The following SERAC1 variants were observed in gnomAD, a reference collection of about 807,000 sequenced individuals.
SERAC1 encodes the protein serine active site containing 1, also known as protein SERAC1.
A neutral mutation model predicts 85.7 loss-of-function variants in SERAC1; 36 were observed. The ratio of observed to expected loss-of-function variants is 0.42; its 90% CI spans 0.32 to 0.55. The LOEUF (loss-of-function observed/expected upper bound fraction) is 0.55, where lower values mean the gene tolerates loss of function less well. Ranked by LOEUF, SERAC1 falls within the 20% of genes least tolerant of loss-of-function variation. The pLI is 0.11. For synonymous variants in SERAC1, 242 were observed against 265.3 expected, an observed-to-expected ratio of 0.91 and a Z score of 0.85; for missense variants, 629 against 796.2, an observed-to-expected ratio of 0.79 and a Z score of 2.53.
intron 16 of SERAC1, chr6:158,111,945 T>C (rs1035914721): frequency 2.0e-5 from 3 of 153,492 alleles, no homozygotes; most frequent in African/African-American, 7.2e-5. Context: ...AAAAATGATT[T>C]AGTGCTTGAG....
chr6:158,144,479 A>G, intron 6 of SERAC1, 59 bp from the exon 7 acceptor site: 1 of 1,480,958 alleles, frequency 6.8e-7, no homozygotes, highest in East Asian at 2.3e-5. Flanking sequence ...TGTCATAAAG[A>G]TTAACTGAAC....
rs1785134966 is a variant in SERAC1 at position 158,148,883 on chromosome 6, G to C, written c.337C>G (p.Leu113Val). 6.2e-7 allele frequency: 1 copy of C among 1,611,258 alleles called. No homozygotes were observed. Among genetic ancestry groups the C allele is most frequent in the Non-Finnish European group, 8.5e-7 (1 of 1,178,670 alleles). ...TATTTACCAGCAAATGGATTCCGCA[G>C]TATCTTGGCTGATGTTGCCAATACT... ...RKVLATSAKI[L>V]RNPFADPFST... The change falls in exon 5 of 17, where the codon CTG (leucine) becomes GTG (valine). Residue 113 changes from leucine (L) to valine (V), a missense_variant. Transcript: ENST00000647468.
At chr6:158,121,180 A>C (rs1043296571) in intron 10 of SERAC1, among the ~76,000 whole-genome samples, 1 of 152,142 alleles carries the variant, frequency 6.6e-6, no homozygotes, top group Non-Finnish European at 1.5e-5. Context: ...TAAATATAAA[A>C]GTACATGTGC....
At chr6:158,165,824 T>C (rs1785586586) in intron 1 of SERAC1, among the ~76,000 whole-genome samples, 1 of 152,210 alleles carries the variant, frequency 6.6e-6, no homozygotes, top group African/African-American at 2.4e-5. Flanking sequence ...TTTTTCTCTG[T>C]ATTCACTGCT....
chr6:158,130,345 T>C, intron 9 of SERAC1, 28 bp downstream of exon 9: 1 of 1,280,430 alleles, frequency 7.8e-7, no homozygotes, highest in Non-Finnish European at 1.1e-6. Context: ...TCATAAAAAG[T>C]AAACTACATT....
rs1386979073 is a variant in SERAC1 at position 158,120,552 on chromosome 6, C to T, written c.1039G>A (p.Ala347Thr). 6.2e-7 allele frequency: 1 copy of T among 1,613,966 alleles called. No homozygotes were observed. The highest frequency in any genetic ancestry group is 1.1e-5 in the South Asian group (1 of 91,038). Residue 347 changes from alanine to threonine, a missense_variant, in exon 11 of 17, where the codon GCA (alanine) becomes ACA (threonine). By Grantham distance (58) the Ala-to-Thr change is moderately conservative. Transcript: ENST00000647468. The surrounding 1 kb of genome is among the most constrained non-coding windows in gnomAD (Gnocchi z 4.4). ...RSGWVSIMAE[A>T]MKSPHIMESS... Reference sequence around the variant, plus strand: ...TCCATAATGTGGGGAGATTTCATTGCTTCTGCCATGATGGAAACCCAGCCT... The same window carrying T: ...TCCATAATGTGGGGAGATTTCATTGTTTCTGCCATGATGGAAACCCAGCCT...
chr6:158,122,321 T>C (rs1166067396), intron 10 of SERAC1, among the ~76,000 whole-genome samples: 2 of 152,348 alleles, frequency 1.3e-5, no homozygotes, highest in East Asian at 3.9e-4. Flanking sequence ...TGTCTGTACA[T>C]GTTAACTGTA....
intron 3 of SERAC1, among the ~76,000 whole-genome samples, chr6:158,152,012 G>C (rs117813855): frequency 6.6e-6 from 1 of 152,074 alleles, no homozygotes; most frequent in East Asian, 1.9e-4. Context: ...TCAGCCTCCC[G>C]AATAGCTGAG....
At chr6:158,153,066 C>T (rs1448255338) in intron 3 of SERAC1, among the ~76,000 whole-genome samples, 6 of 152,126 alleles carry the variant, frequency 3.9e-5, no homozygotes, top group Admixed American at 3.3e-4. Flanking sequence ...TGTGTCCCTC[C>T]CGGATAATGA....
At chr6:158,137,696 C>T (rs1164576030) in intron 8 of SERAC1, among the ~76,000 whole-genome samples, 3 of 151,406 alleles carry the variant, frequency 2.0e-5, no homozygotes, top group Middle Eastern at 3.4e-3. Flanking sequence ...GGCAACATGG[C>T]GAAACCCCGT....
At chr6:158,142,969 G>A (rs1583589341) in intron 8 of SERAC1, 87 bp downstream of exon 8, 3 of 1,077,402 alleles carry the variant, frequency 2.8e-6, no homozygotes, top group Non-Finnish European at 4.1e-6. Flanking sequence ...TGTTTACTCA[G>A]TTACTGGGTG....
At chr6:158,163,621 A>C (rs780245258) in intron 1 of SERAC1, among the ~76,000 whole-genome samples, 7 of 152,216 alleles carry the variant, frequency 4.6e-5, no homozygotes, top group Non-Finnish European at 1.0e-4. Context: ...TCTCAAAACA[A>C]ACAAACAAAA....
In SERAC1 at chr6:158,114,936, T is replaced by C. The variant is rs201367107; in HGVS notation, c.1537A>G (p.Thr513Ala). Reference protein sequence around the residue: ...LVKKMLLEASTKPEMSTVINN... With the variant: ...LVKKMLLEASAKPEMSTVINN... ...ATAACAGTACTCATTTCTGGCTTCG[T>C]AGAGGCTTCCAACAGCATCTTTTTG... The change falls in exon 15 of 17, where the codon ACG becomes GCG. Residue 513 changes from threonine (T) to alanine (A), a missense_variant. By Grantham distance (58) the Thr-to-Ala change is moderately conservative. Coordinates refer to ENST00000647468, the MANE Select transcript of SERAC1 (RefSeq NM_032861.4). 1.4e-5 allele frequency: 23 copies of C among 1,613,496 alleles called. No individual in the cohort carries two copies. Among genetic ancestry groups the C allele is most frequent in the South Asian group, 2.2e-5 (2 of 90,948 alleles).
intron 3 of SERAC1, chr6:158,152,781 C>T (rs567743938): frequency 3.3e-4 from 50 of 152,326 alleles, no homozygotes; most frequent in African/African-American, 1.2e-3. Context: ...CACATGGCTG[C>T]ACAGGTTTGG....
In SERAC1 at chr6:158,116,066, C is replaced by CG. The variant is rs544590834; in HGVS notation, c.1501+118_1501+119insC. On this transcript the variant is annotated intron_variant, in intron 14 of 16. Coordinates refer to ENST00000647468, the MANE Select transcript of SERAC1 (RefSeq NM_032861.4). Reference sequence around the variant, plus strand: ...GCCATAGCTACACAGATTAATTTAGCAGGGGGGGTAAGGGAGCCGCTATTA... The same window carrying CG: ...GCCATAGCTACACAGATTAATTTAGCGAGGGGGGGTAAGGGAGCCGCTATTA... 9.1e-4 allele frequency: 661 copies of CG among 725,424 alleles called. 2 individuals carry two copies. The African/African-American group carries it at 0.01, about 11-fold the overall frequency. 44.9% of individuals were successfully genotyped at this position (725,424 alleles called of 1,614,324 possible).
At chr6:158,146,659 C>T (rs919846634) in intron 6 of SERAC1, 123 bp downstream of exon 6, 22 of 1,187,350 alleles carry the variant, frequency 1.9e-5, no homozygotes, top group Admixed American at 8.1e-5. Context: ...ATCCAACCAG[C>T]GTGGCCTCCC....
chr6:158,120,310 T>C lies in SERAC1; in HGVS notation c.1166+115A>G. Reference sequence around the variant, plus strand: ...ACAAATTATTTTAGTAAATAAGATATTTGACTTATAAGTTATTTAACTTAT... The same window carrying C: ...ACAAATTATTTTAGTAAATAAGATACTTGACTTATAAGTTATTTAACTTAT... On this transcript the variant is annotated intron_variant, in intron 11 of 16. Transcript: ENST00000647468. This position sits in a 1 kb window ranked among gnomAD's most constrained non-coding sequence, Gnocchi z 4.4. The C allele has an allele frequency of 9.3e-7, 1 of 1,076,140 alleles. No individual in the cohort carries two copies. The highest frequency in any genetic ancestry group is 2.1e-5 in the South Asian group (1 of 46,726). 66.7% of individuals were successfully genotyped at this position (1,076,140 alleles called of 1,614,324 possible).
intron 9 of SERAC1, among the ~76,000 whole-genome samples, chr6:158,129,211 AG>A (rs1441383308): frequency 6.6e-6 from 1 of 152,262 alleles, no homozygotes; most frequent in East Asian, 1.9e-4. Flanking sequence ...ACCACACTCG[AG>A]CAAGTTTTCC....
chr6:158,145,168 C>T (rs932183868), intron 6 of SERAC1: 5 of 152,190 alleles, frequency 3.3e-5, no homozygotes, highest in Admixed American at 3.3e-4. Context: ...AGCTTGAACC[C>T]AGGAGACGGA....
Sources: allele counts gnomAD v4.1 joint callset (sites outside exome capture counted in the v4.1 genomes callset), GRCh38; gene constraint gnomAD v4.1.1; non-coding constraint Gnocchi (gnomAD v3.1); transcripts MANE v1.5; gene names NCBI Gene and HGNC (gene_info 2026-07-23, HGNC 2026-07-21).